The following ST7 variants were observed in gnomAD, a reference collection of about 807,000 sequenced individuals.
ST7 encodes the protein suppression of tumorigenicity 7.
In ST7, 28 loss-of-function variants were observed where a neutral mutation model predicts 78.7. The observed-to-expected ratio is 0.36, with a 90% CI of 0.26 to 0.49. The LOEUF is 0.49. Ranked by LOEUF, ST7 falls within the 20% of genes least tolerant of loss-of-function variation. The pLI is 0.99. For missense variants in ST7, 418 were observed against 696.0 expected, an observed-to-expected ratio of 0.60 and a Z score of 4.49; for synonymous variants, 247 against 249.6, an observed-to-expected ratio of 0.99 and a Z score of 0.10.
intron 1 of ST7, among the ~76,000 whole-genome samples, chr7:117,095,264 T>C (rs1180366162): frequency 1.3e-5 from 2 of 152,228 alleles, no homozygotes; most frequent in African/African-American, 2.4e-5. Flanking sequence ...CTTACAGACA[T>C]GGCTTCATAG....
At chr7:117,112,088 A>T (rs1194007578) in intron 2 of ST7, among the ~76,000 whole-genome samples, 3 of 151,664 alleles carry the variant, frequency 2.0e-5, no homozygotes, top group Admixed American at 6.6e-5. Flanking sequence ...ATGTACATAT[A>T]TATGCATGTG....
intron 1 of ST7, among the ~76,000 whole-genome samples, chr7:117,085,516 G>A (rs1263861836): frequency 2.0e-5 from 3 of 152,164 alleles, no homozygotes; most frequent in Non-Finnish European, 4.4e-5. Flanking sequence ...ATGCATGTGT[G>A]CGATGACTAT....
intron 9 of ST7, among the ~76,000 whole-genome samples, chr7:117,159,282 T>C (rs866954821): frequency 1.3e-5 from 2 of 152,188 alleles, no homozygotes; most frequent in East Asian, 1.9e-4. Context: ...GATTCTTCCA[T>C]TGAAATAAAC....
intron 1 of ST7, among the ~76,000 whole-genome samples, chr7:117,032,121 A>T (rs1173259296): frequency 6.6e-6 from 1 of 151,882 alleles, no homozygotes; most frequent in Non-Finnish European, 1.5e-5. Flanking sequence ...ACCTCAAGTG[A>T]TCTGCCCTCC....
chr7:117,169,325 G>A (rs1807808622), intron 9 of ST7, among the ~76,000 whole-genome samples: 1 of 151,748 alleles, frequency 6.6e-6, no homozygotes, highest in African/African-American at 2.4e-5. Context: ...TAGTAGAGAT[G>A]GGGTTTTGCC....
chr7:117,141,809 G>A (rs112959923), intron 9 of ST7, among the ~76,000 whole-genome samples: 7,458 of 152,002 alleles, frequency 0.049, 621 homozygotes, highest in African/African-American at 0.17. Context: ...AGCTGGGACT[G>A]CAGGCGCACA....
At chr7:117,177,412 C>T (rs943578831) in intron 10 of ST7, among the ~76,000 whole-genome samples, 3 of 152,126 alleles carry the variant, frequency 2.0e-5, no homozygotes, top group African/African-American at 7.2e-5. Context: ...TCCTTATTGC[C>T]CAGTTATCAT....
chr7:116,993,924 G>T lies in ST7; in HGVS notation c.151+40233G>T, dbSNP rs980991768. 4.6e-5 allele frequency among the ~76,000 whole-genome samples: 7 copies of T among 152,158 alleles called. No individual in the cohort carries two copies. The South Asian group carries it at 6.2e-4, about 14-fold the overall frequency. The stretch of plus-strand genomic sequence containing the variant: ...AAAGCAGGTAGCAGAAATACTAAAA[G>T]AATTTTTTGCTTTAGTGTAAAGTAG... On this transcript the variant is annotated intron_variant, in intron 1 of 15. Transcript: ENST00000323984.
At chr7:117,094,917 T>C (rs1800906591) in intron 1 of ST7, among the ~76,000 whole-genome samples, 1 of 152,208 alleles carries the variant, frequency 6.6e-6, no homozygotes, top group Non-Finnish European at 1.5e-5. Flanking sequence ...TTAATAACTT[T>C]TATTTTTTTT....
intron 9 of ST7, among the ~76,000 whole-genome samples, chr7:117,140,719 A>T (rs529570762): frequency 6.6e-6 from 1 of 152,318 alleles, no homozygotes; most frequent in East Asian, 1.9e-4. Context: ...TCTAAAAAAA[A>T]AGTCTGTCAT....
intron 13 of ST7, among the ~76,000 whole-genome samples, chr7:117,211,447 GAGAA>G (rs1372751349): frequency 6.6e-6 from 1 of 152,208 alleles, no homozygotes; most frequent in Non-Finnish European, 1.5e-5. Flanking sequence ...ATTTAAGCAT[GAGAA>G]AGAGACAGAA....
At chr7:116,965,213 G>A (rs1297970076) in intron 1 of ST7, among the ~76,000 whole-genome samples, 8 of 151,794 alleles carry the variant, frequency 5.3e-5, no homozygotes, top group Non-Finnish European at 8.8e-5. Flanking sequence ...AGTGGCGGGC[G>A]CCTGTAGTCC....
intron 1 of ST7, among the ~76,000 whole-genome samples, chr7:117,053,247 G>A (rs1797880644): frequency 6.6e-6 from 1 of 152,116 alleles, no homozygotes; most frequent in African/African-American, 2.4e-5. Context: ...TCTACTCCAG[G>A]CAGCTATAGA....
intron 9 of ST7, among the ~76,000 whole-genome samples, chr7:117,166,580 G>C (rs577504560): frequency 1.3e-5 from 2 of 152,020 alleles, no homozygotes; most frequent in East Asian, 3.9e-4. Context: ...GAGTGTGATG[G>C]ACTCACTTGT....
chr7:116,957,009 G>C (rs1467429327), intron 1 of ST7: 1 of 173,660 alleles, frequency 5.8e-6, no homozygotes, highest in African/African-American at 2.4e-5. Context: ...TCAGAGAAGA[G>C]CTAATCGTGG....
chr7:117,169,126 T>A (rs949204042), intron 9 of ST7, among the ~76,000 whole-genome samples: 7 of 149,508 alleles, frequency 4.7e-5, no homozygotes, highest in African/African-American at 1.5e-4. Context: ...CTTCTTTTTT[T>A]AATCTTCTTC....
At chr7:116,966,398 C>T (rs1050112513) in intron 1 of ST7, among the ~76,000 whole-genome samples, 1 of 151,858 alleles carries the variant, frequency 6.6e-6, no homozygotes, top group South Asian at 2.1e-4. Context: ...TTACAGGCAC[C>T]TGCCACCACA....
chr7:117,164,846 T>G (rs1807416503), intron 9 of ST7, among the ~76,000 whole-genome samples: 1 of 137,102 alleles, frequency 7.3e-6, no homozygotes, highest in Non-Finnish European at 1.5e-5. Flanking sequence ...CTTTATTGTT[T>G]TTTGGTGGGG....
intron 1 of ST7, among the ~76,000 whole-genome samples, chr7:117,052,227 C>G (rs1448698772): frequency 6.6e-6 from 1 of 152,154 alleles, no homozygotes; most frequent in Non-Finnish European, 1.5e-5. Flanking sequence ...TAAGTTATCC[C>G]CAGCATCATT....
Sources: gnomAD v4.1 joint callset for allele counts (sites outside exome capture counted in the v4.1 genomes callset) on GRCh38, gnomAD v4.1.1 for gene constraint, MANE v1.5 for transcripts, NCBI Gene and HGNC (gene_info 2026-07-23, HGNC 2026-07-21) for gene names.